Variants in CFAP95 observed in about 807,000 individuals in gnomAD.
CFAP95 encodes cilia- and flagella-associated protein 95.
At chr9:69,833,797 GA>G in the CFAP95 span, among the ~76,000 whole-genome samples, 4 of 152,136 alleles carry the variant, frequency 2.6e-5, no homozygotes, top group Non-Finnish European at 5.9e-5. Context: ...GGAGGAAAGG[GA>G]AAAATGTACA....
At chr9:69,886,020 T>C in the CFAP95 span, among the ~76,000 whole-genome samples, 1 of 152,190 alleles carries the variant, frequency 6.6e-6, no homozygotes, top group Admixed American at 6.5e-5. Flanking sequence ...AAGTTTTAAC[T>C]TGCAGGTGGC....
chr9:69,844,271 A>G, the CFAP95 span, among the ~76,000 whole-genome samples: 1 of 152,210 alleles, frequency 6.6e-6, no homozygotes, highest in Non-Finnish European at 1.5e-5. Context: ...CTGAGTAATT[A>G]CTGTGTTTGA....
chr9:69,843,500 TCC>T, the CFAP95 span, among the ~76,000 whole-genome samples: 8 of 5,924 alleles, frequency 1.4e-3, 1 homozygote, highest in Admixed American at 6.0e-3. Flanking sequence ...TTCCTCCTCC[TCC>T]CCCCCTCCTC....
chr9:69,850,407 T>C, the CFAP95 span, among the ~76,000 whole-genome samples: 2 of 152,208 alleles, frequency 1.3e-5, no homozygotes, highest in Non-Finnish European at 2.9e-5. Context: ...AAAAGTATAT[T>C]AGCATTCATT....
the CFAP95 span, among the ~76,000 whole-genome samples, chr9:69,881,898 G>A: frequency 6.6e-6 from 1 of 151,422 alleles, no homozygotes; most frequent in African/African-American, 2.4e-5. Flanking sequence ...TTAATTCCTA[G>A]GTATCTAATT....
chr9:69,893,969 A>C, the CFAP95 span, among the ~76,000 whole-genome samples: 1 of 152,192 alleles, frequency 6.6e-6, no homozygotes, highest in African/African-American at 2.4e-5. Context: ...TCTGCAAATA[A>C]GGTAGTGGTA....
chr9:69,834,867 T>G, the CFAP95 span, among the ~76,000 whole-genome samples: 1 of 152,226 alleles, frequency 6.6e-6, no homozygotes, highest in African/African-American at 2.4e-5. Flanking sequence ...ATGTCACAAT[T>G]TTTACAAAGA....
At chr9:69,878,900 A>G in the CFAP95 span, among the ~76,000 whole-genome samples, 5 of 152,162 alleles carry the variant, frequency 3.3e-5, no homozygotes, top group Non-Finnish European at 1.5e-5. Context: ...TCATGGCAGA[A>G]GGTGAAGGGG....
chr9:69,866,548 C>G, the CFAP95 span, among the ~76,000 whole-genome samples: 2 of 152,142 alleles, frequency 1.3e-5, no homozygotes, highest in African/African-American at 4.8e-5. Context: ...TCTTTTTGTT[C>G]TGTTCAGGCC....
chr9:69,845,661 A>G, the CFAP95 span, among the ~76,000 whole-genome samples: 1 of 151,992 alleles, frequency 6.6e-6, no homozygotes, highest in Admixed American at 6.6e-5. Flanking sequence ...GAGAATGGGG[A>G]TTTATCATAA....
chr9:69,894,048 A>G, the CFAP95 span, among the ~76,000 whole-genome samples: 14 of 152,298 alleles, frequency 9.2e-5, no homozygotes, highest in South Asian at 2.9e-3. Context: ...TGCTGCTGCT[A>G]GTTAACCATG....
the CFAP95 span, among the ~76,000 whole-genome samples, chr9:69,850,640 T>C: frequency 6.6e-6 from 1 of 152,196 alleles, no homozygotes. Flanking sequence ...TAGATGCTTC[T>C]TGCATTCATA....
At chr9:69,852,275 T>C in the CFAP95 span, among the ~76,000 whole-genome samples, 1 of 152,092 alleles carries the variant, frequency 6.6e-6, no homozygotes, top group African/African-American at 2.4e-5. Flanking sequence ...TCTAAGATAA[T>C]AGATGCCAGC....
chr9:69,844,162 G>A, the CFAP95 span, among the ~76,000 whole-genome samples: 2 of 152,012 alleles, frequency 1.3e-5, no homozygotes, highest in African/African-American at 4.8e-5. Context: ...TTTCTAAAGT[G>A]GAAAGTTGCC....
the CFAP95 span, among the ~76,000 whole-genome samples, chr9:69,902,070 A>T: frequency 1.8e-4 from 28 of 152,190 alleles, no homozygotes; most frequent in Non-Finnish European, 3.7e-4. Context: ...TAATATCCAG[A>T]ATCTACAAAG....
At chr9:69,849,242 A>G in the CFAP95 span, among the ~76,000 whole-genome samples, 1 of 152,148 alleles carries the variant, frequency 6.6e-6, no homozygotes, top group Non-Finnish European at 1.5e-5. Flanking sequence ...CCCAGTTCCT[A>G]GAACAGTGCC....
chr9:69,905,977 T>A, the CFAP95 span: 1 of 1,609,542 alleles, frequency 6.2e-7, no homozygotes. Context: ...AAGATGATTA[T>A]TCCATAGTCC....
chr9:69,869,796 A>G, the CFAP95 span, among the ~76,000 whole-genome samples: 1 of 152,034 alleles, frequency 6.6e-6, no homozygotes, highest in Non-Finnish European at 1.5e-5. Context: ...AGGGCTGTGG[A>G]ATTTATATTT....
chr9:69,861,749 A>AG, the CFAP95 span, among the ~76,000 whole-genome samples: 1 of 148,346 alleles, frequency 6.7e-6, no homozygotes, highest in Non-Finnish European at 1.5e-5. Context: ...AAAAAAAAAA[A>AG]AAAACACAAC....
Sources: allele counts gnomAD v4.1 joint callset (sites outside exome capture counted in the v4.1 genomes callset), GRCh38; gene constraint gnomAD v4.1.1; transcripts MANE v1.5; gene names NCBI Gene and HGNC (gene_info 2026-07-23, HGNC 2026-07-21).